PANK1: variants seen among roughly 807,000 people sequenced by gnomAD.
The protein encoded by PANK1 is pantothenate kinase 1, also known as pantothenic acid kinase 1.
Under a neutral mutation model 40.1 loss-of-function variants are expected in PANK1, and 18 were observed. The ratio of observed to expected loss-of-function variants is 0.45; its 90% CI spans 0.31 to 0.67. PANK1 has a LOEUF of 0.67. PANK1 is among the 30% of genes least tolerant of loss of function. The pLI, the probability that PANK1 is intolerant of heterozygous loss-of-function variation, is 0.06. For missense variants in PANK1, 457 were observed against 599.6 expected, an observed-to-expected ratio of 0.76 and a Z score of 2.48; for synonymous variants, 242 against 237.7, an observed-to-expected ratio of 1.02 and a Z score of -0.17.
intron 2 of PANK1, among the ~76,000 whole-genome samples, chr10:89,604,504 C>A (rs1017839276): frequency 8.5e-5 from 13 of 152,058 alleles, no homozygotes; most frequent in Admixed American, 1.3e-4. Flanking sequence ...CCAGCCTGGC[C>A]AACATGGTAA....
At chr10:89,616,016 G>A (rs1845304364) in intron 1 of PANK1, among the ~76,000 whole-genome samples, 1 of 152,190 alleles carries the variant, frequency 6.6e-6, no homozygotes, top group Admixed American at 6.5e-5. Context: ...GCCAAGAGGA[G>A]TGATGTTGGT....
At position 89,632,507 on chromosome 10, in the gene PANK1, A is replaced by T. The variant is rs542434166; in HGVS notation, c.292+12093T>A. Among the ~76,000 whole-genome samples the T allele has an allele frequency of 3.0e-3, 451 of 152,298 alleles. 4 individuals are homozygous for T. Among genetic ancestry groups the T allele is most frequent in the Non-Finnish European group, 5.0e-3 (338 of 68,014 alleles). On this transcript the variant is annotated intron_variant, in intron 1 of 6. Coordinates refer to ENST00000307534, the MANE Select transcript of PANK1 (RefSeq NM_148977.3). ...TTTATATCTATTTAAGAAAAAAAAA[A>T]TTTGGTGTTCCTCAATCCACAATGA...
chr10:89,623,254 C>T (rs1845554955), intron 1 of PANK1, among the ~76,000 whole-genome samples: 1 of 152,180 alleles, frequency 6.6e-6, no homozygotes, highest in Non-Finnish European at 1.5e-5. Flanking sequence ...TGCAGACTTG[C>T]TCTGTGGCCC....
At chr10:89,633,150 T>TAC in intron 1 of PANK1, among the ~76,000 whole-genome samples, 1 of 152,150 alleles carries the variant, frequency 6.6e-6, no homozygotes, top group East Asian at 1.9e-4. Flanking sequence ...TATATATATA[T>TAC]CCATGATGGC....
intron 1 of PANK1, among the ~76,000 whole-genome samples, chr10:89,636,426 C>T (rs1306832629): frequency 1.3e-5 from 2 of 151,272 alleles, no homozygotes; most frequent in African/African-American, 4.9e-5. Context: ...AGGCTCGGCC[C>T]CCCGGGGTGC....
At chr10:89,635,915 G>C (rs776507632) in intron 1 of PANK1, among the ~76,000 whole-genome samples, 1 of 152,226 alleles carries the variant, frequency 6.6e-6, no homozygotes, top group East Asian at 1.9e-4. Context: ...TAAGGCTCCA[G>C]AGTAATCTTC....
chr10:89,633,820 G>A (rs1841720670), intron 1 of PANK1, among the ~76,000 whole-genome samples: 3 of 152,112 alleles, frequency 2.0e-5, no homozygotes, highest in Admixed American at 6.5e-5. Flanking sequence ...CAGAGTTCAA[G>A]GCAACCCAGG....
chr10:89,594,997 A>G (rs1844519128), intron 3 of PANK1, among the ~76,000 whole-genome samples: 1 of 152,218 alleles, frequency 6.6e-6, no homozygotes, highest in East Asian at 1.9e-4. Context: ...TGAAGCCCCA[A>G]AGAGCTACTA....
chr10:89,618,063 C>T (rs771239846), intron 1 of PANK1, among the ~76,000 whole-genome samples: 2 of 152,156 alleles, frequency 1.3e-5, no homozygotes, highest in Admixed American at 6.6e-5. Flanking sequence ...TAAAAGATAT[C>T]TCTCAAGGGG....
intron 1 of PANK1, among the ~76,000 whole-genome samples, chr10:89,641,732 AAAATAAATAAATAAAT>A (rs199852567): frequency 1.0e-4 from 15 of 143,400 alleles, no homozygotes; most frequent in Admixed American, 4.9e-4. Flanking sequence ...AATCCGTCTC[AAAATAAATAAATAAAT>A]AAATAAATAA....
chr10:89,643,666 G>A (rs189044091), intron 1 of PANK1: 3 of 1,523,436 alleles, frequency 2.0e-6, no homozygotes, highest in Admixed American at 1.7e-5. Context: ...CTATGCAAAT[G>A]CAGTCATTTA....
rs191020433 is a variant in PANK1, at chr10:89,624,548, A to C, written c.293-12500T>G. Among the ~76,000 whole-genome samples, 18 of 152,344 alleles carry C rather than the reference A, an allele frequency of 1.2e-4. No homozygotes were observed. The East Asian group carries it at 3.3e-3, about 28-fold the overall frequency. On this transcript the variant is annotated intron_variant, in intron 1 of 6. Coordinates refer to ENST00000307534, the MANE Select transcript of PANK1 (RefSeq NM_148977.3). ...ATACCACCATCCACTTTGCATTTGC[A>C]ATGTGAACCTGGTCTCTGTGACTTG... is the stretch of plus-strand genomic sequence containing the variant.
intron 2 of PANK1, among the ~76,000 whole-genome samples, chr10:89,607,138 G>C (rs183540521): frequency 6.6e-6 from 1 of 152,164 alleles, no homozygotes; most frequent in African/African-American, 2.4e-5. Context: ...CTCACTAAGC[G>C]TAATGATTTC....
chr10:89,644,504 G>C (rs1475461794), intron 1 of PANK1, 96 bp downstream of exon 1: 11 of 1,103,188 alleles, frequency 1.0e-5, no homozygotes, highest in Admixed American at 2.7e-5. Context: ...GGGGGCGCAC[G>C]GGGCGTGCTG....
intron 1 of PANK1, chr10:89,626,386 GCTCCGCCTC>G (rs1381872871): frequency 1.3e-5 from 2 of 149,664 alleles, no homozygotes; most frequent in Non-Finnish European, 3.0e-5. Flanking sequence ...CTCACTGCAA[GCTCCGCCTC>G]CCAGGTTAAT....
chr10:89,591,346 TA>T (rs1257215880), intron 5 of PANK1, among the ~76,000 whole-genome samples: 1 of 152,230 alleles, frequency 6.6e-6, no homozygotes, highest in East Asian at 1.9e-4. Context: ...TCTAATGTCT[TA>T]GAAGTCTGTA....
chr10:89,592,607 A>T (rs754954470), intron 5 of PANK1: 9 of 447,652 alleles, frequency 2.0e-5, no homozygotes, highest in Non-Finnish European at 3.6e-5. Flanking sequence ...TACTTTATAC[A>T]CCTTGTATTT....
intron 2 of PANK1, among the ~76,000 whole-genome samples, chr10:89,611,353 TA>T (rs1845145899): frequency 6.6e-6 from 1 of 152,216 alleles, no homozygotes; most frequent in East Asian, 1.9e-4. Context: ...GATTATATAG[TA>T]AAAGTCTGTG....
chr10:89,599,704 T>C (rs1844717584), intron 2 of PANK1, among the ~76,000 whole-genome samples, 199 bp from the exon 3 acceptor site: 1 of 152,160 alleles, frequency 6.6e-6, no homozygotes, highest in Non-Finnish European at 1.5e-5. Flanking sequence ...CTGCCCACAG[T>C]GCATGCTAAA....
Sources: allele counts gnomAD v4.1 joint callset (sites outside exome capture counted in the v4.1 genomes callset), GRCh38; gene constraint gnomAD v4.1.1; transcripts MANE v1.5; gene names NCBI Gene and HGNC (gene_info 2026-07-23, HGNC 2026-07-21).